Variants in EXOC4 observed in about 807,000 individuals in gnomAD.
EXOC4 encodes exocyst complex component 4, also known as SEC8-like 1.
In EXOC4, 71 loss-of-function variants were observed where a neutral mutation model predicts 107.2. The ratio of observed to expected loss-of-function variants is 0.66; its 90% CI spans 0.55 to 0.81. EXOC4 has a LOEUF of 0.81. EXOC4 is among the 30% of genes least tolerant of loss of function. The pLI is 0.00. For missense variants in EXOC4, 1,108 were observed against 1,189.6 expected, an observed-to-expected ratio of 0.93 and a Z score of 1.01; for synonymous variants, 456 against 441.2, an observed-to-expected ratio of 1.03 and a Z score of -0.42.
chr7:133,424,289 G>C (rs751841264), intron 7 of EXOC4, among the ~76,000 whole-genome samples: 2 of 152,116 alleles, frequency 1.3e-5, no homozygotes, highest in Admixed American at 6.5e-5. Flanking sequence ...TCACTGTGAA[G>C]TTGTGCACCT....
At chr7:133,511,963 G>A (rs1033794251) in intron 9 of EXOC4, among the ~76,000 whole-genome samples, 2 of 152,184 alleles carry the variant, frequency 1.3e-5, no homozygotes, top group African/African-American at 2.4e-5. Flanking sequence ...TAGCCACAGC[G>A]CAGCATTCTT....
At chr7:133,574,056 TTAAG>T (rs543689475) in intron 9 of EXOC4, among the ~76,000 whole-genome samples, 360 of 152,348 alleles carry the variant, frequency 2.4e-3, no homozygotes, top group African/African-American at 8.1e-3. Context: ...TCATGAGTTA[TTAAG>T]TAAGACTGCT....
At chr7:133,837,280 C>G (rs1797938084) in intron 11 of EXOC4, among the ~76,000 whole-genome samples, 1 of 152,134 alleles carries the variant, frequency 6.6e-6, no homozygotes, top group Non-Finnish European at 1.5e-5. Flanking sequence ...TGTGACATGT[C>G]TTTGCACAGT....
At chr7:133,336,926 G>C (rs1041743301) in intron 5 of EXOC4, among the ~76,000 whole-genome samples, 14 of 151,750 alleles carry the variant, frequency 9.2e-5, no homozygotes, top group African/African-American at 3.4e-4. Context: ...GTAGAGACGG[G>C]GTTTCACTAT....
chr7:134,028,668 A>C (rs1370769487), intron 17 of EXOC4, among the ~76,000 whole-genome samples: 1 of 152,174 alleles, frequency 6.6e-6, no homozygotes. Flanking sequence ...GTTAAGTGCC[A>C]ACTAGTCTTC....
chr7:133,504,297 A>G (rs1000130047), intron 9 of EXOC4, among the ~76,000 whole-genome samples: 15 of 152,180 alleles, frequency 9.9e-5, no homozygotes, highest in African/African-American at 3.6e-4. Flanking sequence ...AGTGTGAATC[A>G]TTTTAAAGAA....
intron 14 of EXOC4, among the ~76,000 whole-genome samples, chr7:133,991,210 T>C (rs1794251014): frequency 2.0e-5 from 3 of 152,200 alleles, no homozygotes; most frequent in Non-Finnish European, 4.4e-5. Context: ...GCCATTTGTA[T>C]GTCTTCTTTT....
intron 11 of EXOC4, among the ~76,000 whole-genome samples, chr7:133,856,095 A>C (rs1181975496): frequency 6.6e-6 from 1 of 152,260 alleles, no homozygotes; most frequent in Non-Finnish European, 1.5e-5. Flanking sequence ...GCCCTGTGTC[A>C]TTAAAAGAGC....
intron 5 of EXOC4, among the ~76,000 whole-genome samples, chr7:133,318,121 C>G (rs1474680177): frequency 6.6e-6 from 1 of 152,176 alleles, no homozygotes; most frequent in Non-Finnish European, 1.5e-5. Flanking sequence ...GACCTCTGTC[C>G]TATGCCCTCT....
At chr7:134,034,186 C>T (rs1192615595) in intron 17 of EXOC4, among the ~76,000 whole-genome samples, 1 of 151,890 alleles carries the variant, frequency 6.6e-6, no homozygotes, top group Non-Finnish European at 1.5e-5. Flanking sequence ...AGAAAGTTCT[C>T]TGGGTGGGAA....
intron 10 of EXOC4, among the ~76,000 whole-genome samples, chr7:133,812,321 A>G (rs1248245509): frequency 6.6e-6 from 1 of 152,200 alleles, no homozygotes; most frequent in Non-Finnish European, 1.5e-5. Flanking sequence ...CCATCAAAAC[A>G]ATCTTGTGAG....
intron 9 of EXOC4, among the ~76,000 whole-genome samples, chr7:133,531,202 AGAT>A (rs1414100839): frequency 2.0e-5 from 3 of 152,180 alleles, no homozygotes; most frequent in African/African-American, 7.2e-5. Context: ...TTTAAAATAT[AGAT>A]GATATTATCT....
intron 9 of EXOC4, among the ~76,000 whole-genome samples, chr7:133,603,812 C>T (rs1446769393): frequency 1.3e-5 from 2 of 152,122 alleles, no homozygotes. Context: ...ATATCGTGCA[C>T]TTAGGCTACA....
chr7:133,362,185 C>T (rs915588831), intron 6 of EXOC4, among the ~76,000 whole-genome samples: 3 of 152,116 alleles, frequency 2.0e-5, no homozygotes, highest in Admixed American at 6.5e-5. Flanking sequence ...CTTAGAGCTT[C>T]CCTACTCTTA....
At chr7:133,679,762 A>G (rs1364457786) in intron 10 of EXOC4, among the ~76,000 whole-genome samples, 2 of 152,174 alleles carry the variant, frequency 1.3e-5, no homozygotes, top group Non-Finnish European at 2.9e-5. Flanking sequence ...TAGAATTTGC[A>G]TTTTCTCACT....
At chr7:133,371,954 T>G (rs1796386833) in intron 6 of EXOC4, among the ~76,000 whole-genome samples, 1 of 152,200 alleles carries the variant, frequency 6.6e-6, no homozygotes, top group Non-Finnish European at 1.5e-5. Flanking sequence ...TAGCTCATTG[T>G]GATTTTGATT....
intron 6 of EXOC4, among the ~76,000 whole-genome samples, chr7:133,368,253 A>G (rs1796289042): frequency 6.6e-6 from 1 of 152,240 alleles, no homozygotes; most frequent in South Asian, 2.1e-4. Context: ...CACAGAGGAA[A>G]GAGAGAATTG....
chr7:133,260,182 T>A (rs1795111350), intron 1 of EXOC4, among the ~76,000 whole-genome samples: 1 of 152,252 alleles, frequency 6.6e-6, no homozygotes, highest in Admixed American at 6.5e-5. Flanking sequence ...TCTAGTCTGT[T>A]CCATTCATGT....
intron 9 of EXOC4, among the ~76,000 whole-genome samples, chr7:133,519,620 A>G (rs894883314): frequency 6.6e-6 from 1 of 152,186 alleles, no homozygotes; most frequent in African/African-American, 2.4e-5. Context: ...AAAAAAGCCA[A>G]AGAGGAATCA....
Sources: gnomAD v4.1 joint callset for allele counts (sites outside exome capture counted in the v4.1 genomes callset) on GRCh38, gnomAD v4.1.1 for gene constraint, MANE v1.5 for transcripts, NCBI Gene and HGNC (gene_info 2026-07-23, HGNC 2026-07-21) for gene names.